ROBO2: variants seen among roughly 807,000 people sequenced by gnomAD.
The protein encoded by ROBO2 is roundabout homolog 2.
ROBO2 carries 53 observed loss-of-function variants against 160.8 expected under a neutral mutation model. The ratio of observed to expected loss-of-function variants is 0.33; its 90% CI spans 0.26 to 0.41. The LOEUF (loss-of-function observed/expected upper bound fraction) is 0.41, where lower values mean the gene tolerates loss of function less well. Ranked by LOEUF, ROBO2 falls within the 10% of genes least tolerant of loss-of-function variation. The pLI, the probability that ROBO2 is intolerant of heterozygous loss-of-function variation, is 1.00. For synonymous variants in ROBO2, 664 were observed against 611.7 expected, an observed-to-expected ratio of 1.09 and a Z score of -1.26; for missense variants, 1,577 against 1,722.4, an observed-to-expected ratio of 0.92 and a Z score of 1.49.
chr3:77,338,003 A>T (rs2066663517), intron 2 of ROBO2, among the ~76,000 whole-genome samples: 1 of 152,186 alleles, frequency 6.6e-6, no homozygotes, highest in Non-Finnish European at 1.5e-5. Context: ...GAAACATTCC[A>T]TGGAACTTTC....
At chr3:77,376,248 A>G (rs1415838781) in intron 2 of ROBO2, among the ~76,000 whole-genome samples, 3 of 136,522 alleles carry the variant, frequency 2.2e-5, no homozygotes, top group Non-Finnish European at 4.6e-5. Flanking sequence ...TCCGCCTCCC[A>G]GGTTCAAGCG....
intron 2 of ROBO2, among the ~76,000 whole-genome samples, chr3:76,431,463 T>C (rs565694265): frequency 6.6e-6 from 1 of 152,224 alleles, no homozygotes; most frequent in East Asian, 1.9e-4. Flanking sequence ...TGTAGTATGG[T>C]TGAATAAAAC....
At chr3:76,741,035 C>CTCTGATGTT (rs1373926387) in intron 2 of ROBO2, among the ~76,000 whole-genome samples, 1 of 152,024 alleles carries the variant, frequency 6.6e-6, no homozygotes, top group Non-Finnish European at 1.5e-5. Context: ...TTTATAAAAG[C>CTCTGATGTT]TCTGATGTTT....
intron 2 of ROBO2, among the ~76,000 whole-genome samples, chr3:76,764,303 A>G (rs1347626935): frequency 6.6e-6 from 1 of 151,724 alleles, no homozygotes; most frequent in East Asian, 2.0e-4. Flanking sequence ...TCATGTAAGC[A>G]TTGTATTGAG....
intron 1 of ROBO2, among the ~76,000 whole-genome samples, chr3:77,067,985 G>A (rs564439744): frequency 1.3e-5 from 2 of 151,836 alleles, no homozygotes; most frequent in African/African-American, 2.4e-5. Context: ...TCTAAATCAC[G>A]TCTAAGTCTT....
chr3:77,449,851 A>C (rs928733705), intron 2 of ROBO2, among the ~76,000 whole-genome samples: 3 of 152,112 alleles, frequency 2.0e-5, no homozygotes, highest in Non-Finnish European at 4.4e-5. Flanking sequence ...TTTATCACCA[A>C]GTGAGTCCAG....
At chr3:76,949,150 TTAGTTTA>T (rs1448971248) in intron 2 of ROBO2, among the ~76,000 whole-genome samples, 1 of 151,826 alleles carries the variant, frequency 6.6e-6, no homozygotes, top group Admixed American at 6.6e-5. Context: ...ATAAATGTGC[TTAGTTTA>T]TAGTAAATGT....
At chr3:77,328,276 T>C (rs2065639467) in intron 2 of ROBO2, among the ~76,000 whole-genome samples, 3 of 152,070 alleles carry the variant, frequency 2.0e-5, no homozygotes, top group Admixed American at 2.0e-4. Flanking sequence ...CCTGTTGAGT[T>C]GAGGAATTAA....
chr3:76,085,421 A>C (rs986416557), intron 2 of ROBO2, among the ~76,000 whole-genome samples: 6 of 152,170 alleles, frequency 3.9e-5, no homozygotes, highest in East Asian at 1.9e-4. Flanking sequence ...TAAACAAAAA[A>C]CCACAAGCAC....
chr3:77,639,837 C>T (rs1174218783), intron 24 of ROBO2, among the ~76,000 whole-genome samples: 1 of 152,048 alleles, frequency 6.6e-6, no homozygotes, highest in Non-Finnish European at 1.5e-5. Flanking sequence ...TCATTCTATT[C>T]TAGCTGCTGT....
chr3:76,113,494 G>GT (rs1269549678), intron 2 of ROBO2, among the ~76,000 whole-genome samples: 2 of 152,070 alleles, frequency 1.3e-5, no homozygotes, highest in Non-Finnish European at 2.9e-5. Flanking sequence ...CAGACTCTGA[G>GT]TAACAGCCCA....
rs536926704 is a variant in ROBO2 at position 76,676,392 on chromosome 3, G to T, written c.110-421622G>T. ...TAGTAAGTTTTCTGAGGCCTCCCTA[G>T]CCCTGCAGAACTGTGAGTCAATTCA... On this transcript the variant is annotated intron_variant, in intron 2 of 26. Coordinates refer to the ROBO2 transcript ENST00000487694. Among the ~76,000 whole-genome samples the T allele has an allele frequency of 4.3e-4, 65 of 151,346 alleles. 1 individual carries two copies. Among genetic ancestry groups the T allele is most frequent in the Non-Finnish European group, 7.4e-5 (5 of 68,022 alleles).
chr3:76,454,330 T>C (rs2077635874), intron 2 of ROBO2, among the ~76,000 whole-genome samples: 1 of 152,122 alleles, frequency 6.6e-6, no homozygotes, highest in Non-Finnish European at 1.5e-5. Flanking sequence ...AAGAGAAGAG[T>C]AATTTTACTT....
rs566540221 is a variant in ROBO2, at chr3:77,220,198, G to A, written c.388+121858G>A. Among the ~76,000 whole-genome samples, 8 of 152,140 alleles carry A rather than the reference G, an allele frequency of 5.3e-5. No individual in the cohort carries two copies. In the East Asian group the frequency reaches 7.8e-4, roughly 15 times the overall value. ...GCTAATTTTTGTAATTTTTAGTACA[G>A]ATAGGGTTTCACCATATTGTCCAGG... On this transcript the variant is annotated intron_variant, in intron 2 of 25. Coordinates refer to ENST00000461745, the Ensembl canonical transcript of ROBO2.
Position 77,468,744 on chromosome 3 carries a change from G to A in ROBO2, c.389-8670G>A, listed in dbSNP as rs556733653. Among the ~76,000 whole-genome samples the A allele has an allele frequency of 3.4e-4, 52 of 152,284 alleles. 3 individuals carry two copies. In the South Asian group the frequency reaches 0.011, roughly 32 times the overall value. On this transcript the variant is annotated intron_variant, in intron 2 of 25. Coordinates refer to ENST00000461745, the Ensembl canonical transcript of ROBO2. ...AATGAACAAGTCACAGGGCATTCTT[G>A]TTTATTCAACATGCTCCAATTCCTA...
intron 2 of ROBO2, among the ~76,000 whole-genome samples, chr3:77,125,544 A>T (rs888966814): frequency 6.6e-6 from 1 of 152,124 alleles, no homozygotes; most frequent in African/African-American, 2.4e-5. Flanking sequence ...CGACGAAAAG[A>T]TTGATCAGTG....
chr3:76,791,591 G>C (rs2063357911), intron 2 of ROBO2, among the ~76,000 whole-genome samples: 1 of 151,270 alleles, frequency 6.6e-6, no homozygotes, highest in Non-Finnish European at 1.5e-5. Context: ...AGCCACAGGA[G>C]TGCTCTAATC....
intron 2 of ROBO2, among the ~76,000 whole-genome samples, chr3:76,088,314 T>A (rs1216309616): frequency 6.6e-6 from 1 of 151,928 alleles, no homozygotes; most frequent in Non-Finnish European, 1.5e-5. Context: ...AATGGGCAAA[T>A]CCAACAGGCA....
intron 2 of ROBO2, among the ~76,000 whole-genome samples, chr3:76,394,746 T>G (rs1394943225): frequency 6.6e-6 from 1 of 151,836 alleles, no homozygotes; most frequent in Non-Finnish European, 1.5e-5. Context: ...TACATAACGG[T>G]AAAGGGATCA....
Sources: allele counts gnomAD v4.1 joint callset (sites outside exome capture counted in the v4.1 genomes callset), GRCh38; gene constraint gnomAD v4.1.1; transcripts MANE v1.5; gene names NCBI Gene and HGNC (gene_info 2026-07-23, HGNC 2026-07-21).